KIAA0319: variants seen among roughly 807,000 people sequenced by gnomAD.
KIAA0319 encodes the protein KIAA0319, also known as dyslexia-associated protein KIAA0319.
Under a neutral mutation model 108.4 loss-of-function variants are expected in KIAA0319, and 83 were observed. The ratio of observed to expected loss-of-function variants is 0.77; its 90% CI spans 0.64 to 0.92. KIAA0319 has a LOEUF of 0.92. Among genes scored for constraint, KIAA0319 ranks in the 40% least tolerant of loss-of-function variants. The probability of loss-of-function intolerance (pLI) is 0.00; values close to 1 mark genes in which losing one functional copy is unlikely to be tolerated. For synonymous variants in KIAA0319, 484 were observed against 510.4 expected (o/e 0.95, Z 0.70); for missense variants, 1,195 against 1,322.4 (o/e 0.90, Z 1.49).
rs75263538 is a variant in KIAA0319 at position 24,549,437 on chromosome 6, A to G, written c.3040+1997T>C. On this transcript the variant is annotated intron_variant, in intron 20 of 20. Transcript: ENST00000378214. Reference sequence around the variant, plus strand: ...GGAAGCGGCCCTGCCCAGATGTTGAATTTGCCTTCCCAGCCTCCAGAACTG... The same window carrying G: ...GGAAGCGGCCCTGCCCAGATGTTGAGTTTGCCTTCCCAGCCTCCAGAACTG... 3.4e-4 allele frequency among the ~76,000 whole-genome samples: 51 copies of G among 151,966 alleles called. 1 individual carries two copies. The highest frequency in any genetic ancestry group is 9.9e-4 in the African/African-American group (41 of 41,446).
intron 7 of KIAA0319, 38 bp from the exon 8 acceptor site, chr6:24,579,988 G>C: frequency 6.9e-7 from 1 of 1,444,542 alleles, no homozygotes; most frequent in Non-Finnish European, 9.6e-7. Flanking sequence ...AGCCCATCTT[G>C]TGTAGGCATA....
Position 24,572,691 on chromosome 6 carries a change from T to A in KIAA0319, c.1742A>T (p.Gln581Leu), listed in dbSNP as rs759684824. 6 of 1,608,010 alleles carry A rather than the reference T, an allele frequency of 3.7e-6. No homozygotes were observed. The highest frequency in any genetic ancestry group is 4.2e-6 in the Non-Finnish European group (5 of 1,178,406). The change falls in exon 11 of 21, where the codon CAG becomes CTG. Residue 581 changes from glutamine (Q) to leucine (L), a missense_variant. By Grantham distance (113) the Gln-to-Leu change is moderately radical (BLOSUM62 -2). Coordinates refer to ENST00000378214, the MANE Select transcript of KIAA0319 (RefSeq NM_014809.4). The part of the protein sequence containing the change: ...EGKHVVMQGV[Q>L]TPYLHLSAMQ... ...TGCAGATAAATGAAGGTATGGCGTC[T>A]GTACTCCCTAAGTAATAGCAAATAC...
chr6:24,582,330 A>G lies in KIAA0319; in HGVS notation c.1110T>C (p.Tyr370=). The G allele has an allele frequency of 6.2e-7, 1 of 1,609,118 alleles. No homozygotes were observed. Residue 370 remains tyrosine (Y), a synonymous_variant, in exon 6 of 21, where the codon TAT becomes TAC. Coordinates refer to ENST00000378214, the MANE Select transcript of KIAA0319 (RefSeq NM_014809.4). ...TGGGGTGGCTTATTAAATTCCATTC[A>G]TAGTTGTAGGTTGTTTCTGAGAGCA... The part of the protein sequence containing the change: ...PAPPVETTYN[Y]EWNLISHPTD...
At chr6:24,624,842 T>C (rs1490030597) in intron 1 of KIAA0319, among the ~76,000 whole-genome samples, 2 of 152,266 alleles carry the variant, frequency 1.3e-5, no homozygotes, top group Non-Finnish European at 2.9e-5. Context: ...TAATGTGGGC[T>C]GAACAATGGA....
chr6:24,624,348 C>T (rs2127575771), intron 1 of KIAA0319, among the ~76,000 whole-genome samples: 1 of 151,682 alleles, frequency 6.6e-6, no homozygotes, highest in East Asian at 1.9e-4. Flanking sequence ...CCTTGAATTT[C>T]TTTATTGCAC....
At chr6:24,604,309 G>A (rs1424866371) in intron 1 of KIAA0319, among the ~76,000 whole-genome samples, 1 of 152,058 alleles carries the variant, frequency 6.6e-6, no homozygotes, top group Non-Finnish European at 1.5e-5. Flanking sequence ...CTAACCAAAG[G>A]GCAAGAGAAG....
chr6:24,619,512 GA>G, intron 1 of KIAA0319, among the ~76,000 whole-genome samples: 2 of 152,302 alleles, frequency 1.3e-5, no homozygotes, highest in South Asian at 4.2e-4. Flanking sequence ...TGGAGCTGCT[GA>G]ATAGGCCACA....
At chr6:24,548,465 T>A (rs1581857965) in intron 20 of KIAA0319, among the ~76,000 whole-genome samples, 1 of 152,104 alleles carries the variant, frequency 6.6e-6, no homozygotes, top group Non-Finnish European at 1.5e-5. Flanking sequence ...AGTGCGCAGG[T>A]GGACATTACT....
At chr6:24,645,446 T>C (rs1221165826) in intron 1 of KIAA0319, among the ~76,000 whole-genome samples, 1 of 152,136 alleles carries the variant, frequency 6.6e-6, no homozygotes, top group African/African-American at 2.4e-5. Flanking sequence ...ATAGGAAAGA[T>C]CACATAAATA....
chr6:24,599,189 C>T lies in KIAA0319; in HGVS notation c.55+1860G>A. 1 of 539,462 alleles carries T rather than the reference C, an allele frequency of 1.9e-6. No homozygotes were observed. Among genetic ancestry groups the T allele is most frequent in the Non-Finnish European group, 3.4e-6 (1 of 294,926 alleles). 33.4% of individuals were successfully genotyped at this position (539,462 alleles called of 1,614,324 possible). ...CCAACTGTAGCCAGGCCGGGGCTGA[C>T]AGCCTGTACCAGGTCAAGTATGAGG... On this transcript the variant is annotated intron_variant, in intron 2 of 20. Coordinates refer to ENST00000378214, the MANE Select transcript of KIAA0319 (RefSeq NM_014809.4). This position sits in a 1 kb window ranked among gnomAD's most constrained non-coding sequence, Gnocchi z 4.1.
rs1770327924 is a variant in KIAA0319 at position 24,599,762 on chromosome 6, T to G, written c.55+1287A>C. ...AGATTTGTGATAGGAAACTGGTGTC[T>G]GAGTCCTCTGATGTTCTGCCCAAGT... is the stretch of plus-strand genomic sequence containing the variant. On this transcript the variant is annotated intron_variant, in intron 2 of 20. Coordinates refer to ENST00000378214, the MANE Select transcript of KIAA0319 (RefSeq NM_014809.4). This position sits in a 1 kb window ranked among gnomAD's most constrained non-coding sequence, Gnocchi z 4.1. The G allele has an allele frequency of 1.9e-6, 1 of 520,948 alleles. No individual in the cohort carries two copies. The highest frequency in any genetic ancestry group is 1.9e-5 in the African/African-American group (1 of 51,494). The allele number at this position is 520,948 out of a possible 1,614,324, so 32.3% of individuals were successfully genotyped here.
At chr6:24,608,038 T>G (rs1771681304) in intron 1 of KIAA0319, among the ~76,000 whole-genome samples, 1 of 152,032 alleles carries the variant, frequency 6.6e-6, no homozygotes, top group Non-Finnish European at 1.5e-5. Flanking sequence ...TTCTAACAAT[T>G]AACAACAACT....
At chr6:24,573,890 G>A (rs187453656) in intron 10 of KIAA0319, among the ~76,000 whole-genome samples, 511 of 152,210 alleles carry the variant, frequency 3.4e-3, no homozygotes, top group Non-Finnish European at 5.5e-3. Context: ...GCTACGGCGG[G>A]TGGATCATGA....
At chr6:24,639,700 T>G (rs1776671101) in intron 1 of KIAA0319, among the ~76,000 whole-genome samples, 1 of 151,850 alleles carries the variant, frequency 6.6e-6, no homozygotes, top group Non-Finnish European at 1.5e-5. Context: ...ATACAAAAAT[T>G]AGCCAGGTGT....
At chr6:24,540,468 G>A (rs756646132), downstream of KIAA0319, among the ~76,000 whole-genome samples, 4 of 152,126 alleles carry the variant, frequency 2.6e-5, no homozygotes, top group Non-Finnish European at 5.9e-5. Context: ...AAGCCTATGT[G>A]CTCTCTTCCT....
At chr6:24,581,721 T>G (rs1013266977) in intron 6 of KIAA0319, among the ~76,000 whole-genome samples, 5 of 152,172 alleles carry the variant, frequency 3.3e-5, no homozygotes, top group South Asian at 2.1e-4. Context: ...CAGGCTCTTT[T>G]CCCCAAACTG....
intron 4 of KIAA0319, among the ~76,000 whole-genome samples, chr6:24,586,447 T>C (rs1767498150): frequency 1.3e-5 from 2 of 152,196 alleles, no homozygotes; most frequent in Non-Finnish European, 2.9e-5. Flanking sequence ...TCTCCTTCTA[T>C]ACCAGGAAGA....
chr6:24,550,813 GT>G (rs1353439556), intron 20 of KIAA0319, among the ~76,000 whole-genome samples: 1 of 152,090 alleles, frequency 6.6e-6, no homozygotes, highest in Non-Finnish European at 1.5e-5. Context: ...TTAAAAAGCA[GT>G]CTTTGCCCTG....
intron 13 of KIAA0319, among the ~76,000 whole-genome samples, chr6:24,567,580 A>G (rs1234792741): frequency 3.3e-5 from 5 of 152,180 alleles, no homozygotes; most frequent in African/African-American, 1.2e-4. Context: ...ACACACCTGT[A>G]GACCCAGCTA....
Sources: allele counts gnomAD v4.1 joint callset (sites outside exome capture counted in the v4.1 genomes callset), GRCh38; gene constraint gnomAD v4.1.1; non-coding constraint Gnocchi (gnomAD v3.1); transcripts MANE v1.5; gene names NCBI Gene and HGNC (gene_info 2026-07-23, HGNC 2026-07-21).